Variants in USP10 observed in about 807,000 individuals in gnomAD.
USP10 encodes ubiquitin carboxyl-terminal hydrolase 10.
USP10 carries 22 observed loss-of-function variants against 84.5 expected under a neutral mutation model. That is an observed-to-expected ratio of 0.26 (90% CI 0.19 to 0.37). The LOEUF is 0.37. USP10 is among the 10% of genes least tolerant of loss of function. The pLI is 1.00. For missense variants in USP10, 1,019 were observed against 998.9 expected (o/e 1.02, Z -0.27); for synonymous variants, 454 against 387.6 (o/e 1.17, Z -2.01).
intron 4 of USP10, among the ~76,000 whole-genome samples, chr16:84,749,524 G>A (rs1040165546): frequency 1.3e-5 from 2 of 151,520 alleles, no homozygotes; most frequent in Non-Finnish European, 1.5e-5. Flanking sequence ...TCGATAACTT[G>A]AGCCCGGGAG....
chr16:84,735,902 T>C (rs775310597), intron 2 of USP10, among the ~76,000 whole-genome samples: 2 of 152,180 alleles, frequency 1.3e-5, no homozygotes, highest in Non-Finnish European at 2.9e-5. Context: ...TCTTCAGGAA[T>C]CTGAATTATA....
chr16:84,765,381 C>T (rs1347416322), intron 10 of USP10, among the ~76,000 whole-genome samples: 1 of 152,086 alleles, frequency 6.6e-6, no homozygotes, highest in Non-Finnish European at 1.5e-5. Context: ...GACCTGTTCG[C>T]CTGTGTGGCT....
At chr16:84,703,431 A>G (rs142223692) in intron 1 of USP10, among the ~76,000 whole-genome samples, 153 of 152,288 alleles carry the variant, frequency 1.0e-3, no homozygotes, top group Non-Finnish European at 1.7e-3. Context: ...TTTAGCTTGT[A>G]ATAGCAGATC....
intron 9 of USP10, among the ~76,000 whole-genome samples, chr16:84,763,493 C>T (rs1913453016): frequency 1.3e-5 from 2 of 152,294 alleles, no homozygotes; most frequent in South Asian, 4.1e-4. Flanking sequence ...AGTTAAGTTG[C>T]AGCTAACAGT....
In USP10 at chr16:84,777,328, C is replaced by A. The variant is rs145378923; in HGVS notation, c.2210-1567C>A. Reference sequence around the variant, plus strand: ...TTGTGGGAAAGACAAGTTAGTAAAACCCCCAGGCCCTGCAGATTCTACTGA... The same window carrying A: ...TTGTGGGAAAGACAAGTTAGTAAAAACCCCAGGCCCTGCAGATTCTACTGA... On this transcript the variant is annotated intron_variant, in intron 13 of 13. Coordinates refer to ENST00000219473, the MANE Select transcript of USP10 (RefSeq NM_005153.3). Among the ~76,000 whole-genome samples the A allele has an allele frequency of 9.9e-5, 15 of 152,284 alleles. No individual in the cohort carries two copies. In the East Asian group the frequency reaches 2.3e-3, roughly 24 times the overall value.
At chr16:84,717,975 G>A (rs997054449) in intron 1 of USP10, among the ~76,000 whole-genome samples, 1 of 152,136 alleles carries the variant, frequency 6.6e-6, no homozygotes, top group Non-Finnish European at 1.5e-5. Flanking sequence ...GATGGAAAGG[G>A]TATATAATTT....
At chr16:84,761,076 T>C (rs1421650249) in intron 8 of USP10, among the ~76,000 whole-genome samples, 1 of 152,176 alleles carries the variant, frequency 6.6e-6, no homozygotes, top group Non-Finnish European at 1.5e-5. Flanking sequence ...CAGCTTTTGG[T>C]ATTGGCTTGG....
At chr16:84,714,854 AAGT>A (rs1205318164) in intron 1 of USP10, among the ~76,000 whole-genome samples, 24 of 151,692 alleles carry the variant, frequency 1.6e-4, no homozygotes, top group African/African-American at 5.8e-4. Context: ...TAAATTTTAA[AAGT>A]AATATCAAAA....
intron 4 of USP10, among the ~76,000 whole-genome samples, chr16:84,749,273 CTT>C (rs1911619826): frequency 6.6e-6 from 1 of 152,212 alleles, no homozygotes; most frequent in Non-Finnish European, 1.5e-5. Flanking sequence ...AGTGGGCACA[CTT>C]TTAAGTGTAG....
intron 4 of USP10, among the ~76,000 whole-genome samples, chr16:84,746,166 A>G (rs199587707): frequency 6.1e-5 from 1 of 16,464 alleles, no homozygotes; most frequent in Non-Finnish European, 8.8e-5. Context: ...TCTTGAAGAG[A>G]AAAAAAATGT....
Position 84,745,327 on chromosome 16 carries a change from T to C in USP10, c.846T>C (p.Leu282=). ...TTGGTACCGATACTACTGAAAACCT[T>C]GGAGTTGCTAATGGACAAATACTTG... ...PCVGTDTTEN[L]GVANGQILES... Residue 282 remains leucine, a synonymous_variant, in exon 4 of 14, where the codon CTT becomes CTC. Transcript: ENST00000219473. The C allele has an allele frequency of 6.2e-7, 1 of 1,613,032 alleles. No individual in the cohort carries two copies. The highest frequency in any genetic ancestry group is 8.5e-7 in the Non-Finnish European group (1 of 1,179,722).
At chr16:84,700,711 G>T (rs968990162) in intron 1 of USP10, among the ~76,000 whole-genome samples, 2 of 152,198 alleles carry the variant, frequency 1.3e-5, no homozygotes, top group African/African-American at 4.8e-5. Flanking sequence ...CGCAAGGACC[G>T]TACTTTCACT....
At chr16:84,778,158 TA>T (rs1915214586) in intron 13 of USP10, among the ~76,000 whole-genome samples, 1 of 149,348 alleles carries the variant, frequency 6.7e-6, no homozygotes, top group South Asian at 2.1e-4. Flanking sequence ...TAATTTTTTT[TA>T]AAGGCAAATG....
Position 84,744,754 on chromosome 16 carries a change from T to A in USP10, c.273T>A (p.Ile91=), listed in dbSNP as rs1911005313. 6.2e-7 allele frequency: 1 copy of A among 1,613,704 alleles called. No homozygotes were observed. The highest frequency in any genetic ancestry group is 2.2e-5 in the East Asian group (1 of 44,886). ...STLNPQAPEF[I]LGCTASKITP... is the part of the protein sequence containing the mutation. ...TGAACCCTCAGGCCCCTGAATTTAT[T>A]CTCGGTTGTACAGCTTCCAAAATAA... Residue 91 remains isoleucine (I), a synonymous_variant, in exon 4 of 14, where the codon ATT becomes ATA. Coordinates refer to ENST00000219473, the MANE Select transcript of USP10 (RefSeq NM_005153.3).
At chr16:84,722,590 C>G (rs895770763) in intron 1 of USP10, among the ~76,000 whole-genome samples, 9 of 152,218 alleles carry the variant, frequency 5.9e-5, no homozygotes, top group African/African-American at 1.9e-4. Flanking sequence ...GAGACAGAGT[C>G]TCACTCTGTC....
intron 1 of USP10, among the ~76,000 whole-genome samples, chr16:84,719,462 C>G (rs1907501820): frequency 6.6e-6 from 1 of 152,228 alleles, no homozygotes; most frequent in African/African-American, 2.4e-5. Context: ...GGACTCCACC[C>G]TAGACCACTG....
chr16:84,765,102 G>T (rs1262279651), intron 10 of USP10, among the ~76,000 whole-genome samples: 4 of 151,490 alleles, frequency 2.6e-5, no homozygotes, highest in Non-Finnish European at 5.9e-5. Context: ...ACCAAACCAT[G>T]TGTTTTGGTA....
intron 2 of USP10, 59 bp from the exon 3 acceptor site, chr16:84,740,250 G>C (rs1462295959): frequency 5.4e-6 from 8 of 1,476,056 alleles, no homozygotes; most frequent in Admixed American, 3.6e-5. Context: ...TAATTAAATG[G>C]TAAGCGTTGG....
chr16:84,761,662 T>C (rs760830890), intron 8 of USP10, among the ~76,000 whole-genome samples: 3 of 152,250 alleles, frequency 2.0e-5, no homozygotes, highest in Non-Finnish European at 4.4e-5. Flanking sequence ...ATAGGTACCA[T>C]CTGCCTGGCT....
Sources: allele counts gnomAD v4.1 joint callset (sites outside exome capture counted in the v4.1 genomes callset), GRCh38; gene constraint gnomAD v4.1.1; transcripts MANE v1.5; gene names NCBI Gene and HGNC (gene_info 2026-07-23, HGNC 2026-07-21).